The following C12orf75 variants were observed in gnomAD, a reference collection of about 807,000 sequenced individuals.
The protein encoded by C12orf75 is overexpressed in colon carcinoma 1 protein.
C12orf75 carries 4 observed loss-of-function variants against 11.4 expected under a neutral mutation model. The observed-to-expected ratio is 0.35, with a 90% CI of 0.17 to 0.80. The LOEUF is 0.80. Among genes scored for constraint, C12orf75 ranks in the 30% least tolerant of loss-of-function variants. C12orf75 has a pLI of 0.52. For synonymous variants in C12orf75, 30 were observed against 30.0 expected (o/e 1.00, Z 0.00); for missense variants, 89 against 80.4 (o/e 1.11, Z -0.41).
chr12:105,354,740 G>T (rs1054076249), intron 2 of C12orf75, among the ~76,000 whole-genome samples: 1 of 152,176 alleles, frequency 6.6e-6, no homozygotes, highest in Non-Finnish European at 1.5e-5. Flanking sequence ...GTCGGACCCT[G>T]TGAAATAGGA....
chr12:105,353,959 T>C (rs1028281137), intron 2 of C12orf75, among the ~76,000 whole-genome samples: 3 of 152,194 alleles, frequency 2.0e-5, no homozygotes, highest in Non-Finnish European at 2.9e-5. Flanking sequence ...TTTGTTTTTG[T>C]TTTTGTGTTT....
At chr12:105,364,280 C>T (rs1027755934) in intron 2 of C12orf75, among the ~76,000 whole-genome samples, 5 of 152,296 alleles carry the variant, frequency 3.3e-5, no homozygotes, top group African/African-American at 1.2e-4. Flanking sequence ...TCTTATACCA[C>T]ATCAATAAGC....
At chr12:105,339,999 G>T (rs1892547779) in intron 1 of C12orf75, among the ~76,000 whole-genome samples, 1 of 152,138 alleles carries the variant, frequency 6.6e-6, no homozygotes, top group Non-Finnish European at 1.5e-5. Flanking sequence ...ATCAATAAAT[G>T]TTTGAATCTG....
chr12:105,358,916 C>T lies in C12orf75; in HGVS notation c.72-6891C>T, dbSNP rs367682804. Among the ~76,000 whole-genome samples the T allele has an allele frequency of 6.3e-4, 96 of 152,280 alleles. 2 individuals are homozygous for T. Among genetic ancestry groups the T allele is most frequent in the African/African-American group, 2.0e-3 (82 of 41,554 alleles). ...ATTGGCTCTGGGCACAGCTGTAAAG[C>T]GGATGATGTTTCGACCAAACCCCAG... On this transcript the variant is annotated intron_variant, in intron 2 of 5. Transcript: ENST00000443585.
chr12:105,354,039 G>C (rs952283347), intron 2 of C12orf75, among the ~76,000 whole-genome samples: 5 of 152,162 alleles, frequency 3.3e-5, no homozygotes, highest in African/African-American at 9.7e-5. Flanking sequence ...CATGTCTAAT[G>C]CACCCATGTC....
intron 2 of C12orf75, among the ~76,000 whole-genome samples, chr12:105,351,882 G>A (rs1016617280): frequency 7.2e-5 from 11 of 152,214 alleles, no homozygotes; most frequent in African/African-American, 2.6e-4. Context: ...GGCTGATAGA[G>A]ATTTTAAGGT....
intron 1 of C12orf75, among the ~76,000 whole-genome samples, chr12:105,342,716 A>G (rs1892589935): frequency 6.6e-6 from 1 of 152,218 alleles, no homozygotes; most frequent in African/African-American, 2.4e-5. Flanking sequence ...CTTGGCCAAG[A>G]GTCATCTCAT....
At chr12:105,366,591 A>G (rs7962661) in intron 3 of C12orf75, 26 bp from the exon 4 acceptor site, 297,459 of 1,253,618 alleles carry the variant, frequency 0.24, 45,525 homozygotes, top group East Asian at 0.65. Flanking sequence ...GTACCATTTA[A>G]ATTGGTTTGA....
intron 1 of C12orf75, among the ~76,000 whole-genome samples, chr12:105,340,560 C>T (rs10861402): frequency 0.51 from 78,060 of 151,740 alleles, 20,307 homozygotes; most frequent in Non-Finnish European, 0.55. Context: ...CCTCCAGATA[C>T]TCATTTTGCT....
At chr12:105,365,089 G>A (rs1205870201) in intron 2 of C12orf75, among the ~76,000 whole-genome samples, 7 of 151,840 alleles carry the variant, frequency 4.6e-5, no homozygotes, top group African/African-American at 1.5e-4. Context: ...CGCCCGCCTC[G>A]GCCTCCCAAA....
In C12orf75 at chr12:105,348,644, A is replaced by G; in HGVS notation, c.71+18A>G. The G allele has an allele frequency of 6.6e-7, 1 of 1,516,236 alleles. No individual in the cohort carries two copies. The highest frequency in any genetic ancestry group is 8.9e-7 in the Non-Finnish European group (1 of 1,121,700). The allele number at this position is 1,516,236 out of a possible 1,614,324, so 93.9% of individuals were successfully genotyped here. A position where few individuals can be genotyped will look rare whatever the true frequency, so the allele number is the denominator to read the frequency against. ...AAAGATGTGTAAGTATTGAATATTAATGATTTTATAAGCTGTCTTTCTGAG... is the reference window on the plus strand; with the variant it reads ...AAAGATGTGTAAGTATTGAATATTAGTGATTTTATAAGCTGTCTTTCTGAG... On this transcript the variant is annotated intron_variant, in intron 2 of 5. Coordinates refer to ENST00000443585, the MANE Select transcript of C12orf75 (RefSeq NM_001145199.2).
chr12:105,366,116 A>G, intron 3 of C12orf75: 1 of 423,974 alleles, frequency 2.4e-6, no homozygotes, highest in East Asian at 4.1e-5. Flanking sequence ...TAACTGGATG[A>G]CTTCCCTTCA....
intron 2 of C12orf75, among the ~76,000 whole-genome samples, chr12:105,349,071 A>G (rs572816281): frequency 6.6e-6 from 1 of 152,362 alleles, no homozygotes; most frequent in Admixed American, 6.5e-5. Flanking sequence ...TCGAATGAAT[A>G]TATAGGGCCA....
intron 1 of C12orf75, among the ~76,000 whole-genome samples, chr12:105,331,140 C>T (rs1182806041): frequency 6.6e-6 from 1 of 151,912 alleles, no homozygotes; most frequent in Non-Finnish European, 1.5e-5. Context: ...AGCAGTCGAG[C>T]CTGCGGGGCG....
intron 1 of C12orf75, among the ~76,000 whole-genome samples, chr12:105,341,394 A>T (rs1161556011): frequency 1.3e-5 from 2 of 152,126 alleles, no homozygotes; most frequent in Non-Finnish European, 2.9e-5. Flanking sequence ...AGTTAGTGTC[A>T]GCCTCCACAG....
chr12:105,359,653 C>T (rs552149380), intron 2 of C12orf75, among the ~76,000 whole-genome samples: 82 of 151,814 alleles, frequency 5.4e-4, no homozygotes, highest in African/African-American at 1.9e-3. Context: ...TGCCTATAGT[C>T]CCAGGTATTT....
intron 5 of C12orf75, among the ~76,000 whole-genome samples, chr12:105,369,792 AG>A (rs1871579513): frequency 6.6e-6 from 1 of 152,200 alleles, no homozygotes; most frequent in Non-Finnish European, 1.5e-5. Flanking sequence ...CTAAGTTGAT[AG>A]GCTGCCCATT....
chr12:105,362,745 A>G (rs1021869627), intron 2 of C12orf75, among the ~76,000 whole-genome samples: 13 of 152,058 alleles, frequency 8.5e-5, no homozygotes, highest in Non-Finnish European at 1.5e-4. Context: ...GCATGGGCCT[A>G]CAGTGTATGA....
chr12:105,331,456 A>G (rs1260769599), intron 1 of C12orf75, among the ~76,000 whole-genome samples: 2 of 152,096 alleles, frequency 1.3e-5, no homozygotes, highest in Non-Finnish European at 2.9e-5. Context: ...GCAAAAACGC[A>G]TCTGTGTCTG....
Sources: gnomAD v4.1 joint callset for allele counts (sites outside exome capture counted in the v4.1 genomes callset) on GRCh38, gnomAD v4.1.1 for gene constraint, MANE v1.5 for transcripts, NCBI Gene and HGNC (gene_info 2026-07-23, HGNC 2026-07-21) for gene names.